The following CDH18 variants were observed in gnomAD, a reference collection of about 807,000 sequenced individuals.
CDH18 encodes cadherin 18.
A neutral mutation model predicts 67.9 loss-of-function variants in CDH18; 31 were observed. The observed-to-expected ratio is 0.46, with a 90% CI of 0.34 to 0.62. The LOEUF is 0.62. Among genes scored for constraint, CDH18 ranks in the 20% least tolerant of loss-of-function variants. The probability of loss-of-function intolerance (pLI) is 0.01; values close to 1 mark genes in which losing one functional copy is unlikely to be tolerated. For missense variants in CDH18, 890 were observed against 975.5 expected (o/e 0.91, Z 1.17); for synonymous variants, 362 against 347.2 (o/e 1.04, Z -0.48).
At position 20,557,951 on chromosome 5, in the gene CDH18, T is replaced by TAATGTTATAGTTATATAACATTA. The variant is rs1427690948; in HGVS notation, c.-580+17488_-580+17510dup. ...TTTAATGTTATAGTTATATAACATT[T>TAATGTTATAGTTATATAACATTA]AATGTTATAGTTATATAACATTAAA... is the stretch of plus-strand genomic sequence containing the variant. On this transcript the variant is annotated intron_variant, in intron 1 of 14. Coordinates refer to the CDH18 transcript ENST00000507958. 1.3e-3 allele frequency among the ~76,000 whole-genome samples: 43 copies of TAATGTTATAGTTATATAACATTA among 34,232 alleles called. 3 individuals are homozygous for TAATGTTATAGTTATATAACATTA. The highest frequency in any genetic ancestry group is 5.9e-3 in the South Asian group (4 of 678). The allele number at this position is 34,232 out of a possible 152,430, so 22.5% of individuals were successfully genotyped here. A position where few individuals can be genotyped will look rare whatever the true frequency, so the allele number is the denominator to read the frequency against.
chr5:20,540,582 T>C (rs1756998569), intron 1 of CDH18, among the ~76,000 whole-genome samples: 1 of 152,150 alleles, frequency 6.6e-6, no homozygotes, highest in Admixed American at 6.6e-5. Flanking sequence ...TTTGAGTGAC[T>C]ATAAAGAATG....
chr5:20,052,809 T>C (rs1443488419), intron 2 of CDH18, among the ~76,000 whole-genome samples: 1 of 152,082 alleles, frequency 6.6e-6, no homozygotes, highest in Non-Finnish European at 1.5e-5. Context: ...AAGAATGTCA[T>C]AAAGAAGATA....
At chr5:19,574,009 C>CAAT (rs1741889122) in intron 7 of CDH18, among the ~76,000 whole-genome samples, 1 of 152,202 alleles carries the variant, frequency 6.6e-6, no homozygotes, top group Non-Finnish European at 1.5e-5. Context: ...TTCTTTCTCA[C>CAAT]AATAACACTG....
chr5:20,550,407 A>G (rs1367560163), intron 1 of CDH18, among the ~76,000 whole-genome samples: 1 of 152,242 alleles, frequency 6.6e-6, no homozygotes, highest in Non-Finnish European at 1.5e-5. Flanking sequence ...TAATACAAGG[A>G]CCTAAAGGTT....
chr5:20,358,135 C>T (rs1411908594), intron 1 of CDH18, among the ~76,000 whole-genome samples: 1 of 152,082 alleles, frequency 6.6e-6, no homozygotes, highest in Non-Finnish European at 1.5e-5. Context: ...ACAATAGATA[C>T]TGGAGACTAC....
chr5:19,692,819 T>C (rs754351150), intron 5 of CDH18, among the ~76,000 whole-genome samples: 2 of 151,552 alleles, frequency 1.3e-5, no homozygotes, highest in African/African-American at 2.4e-5. Flanking sequence ...TACAACAACA[T>C]GGAAATTTCC....
rs867052088 is a variant in CDH18 at position 19,569,683 on chromosome 5, C to A, written c.1253+1896G>T. Among the ~76,000 whole-genome samples, 5 of 152,250 alleles carry A rather than the reference C, an allele frequency of 3.3e-5. No homozygotes were observed. In the Middle Eastern group the frequency reaches 0.01, roughly 311 times the overall value. On this transcript the variant is annotated intron_variant, in intron 8 of 12. Transcript: ENST00000382275. ...TGATTGCTATAGTCACCCTACTGAT[C>A]TATCAAACACTAGGTTCTATTTCTT... is the stretch of plus-strand genomic sequence containing the variant.
chr5:20,115,845 G>A (rs913478661), intron 2 of CDH18, among the ~76,000 whole-genome samples: 1 of 152,022 alleles, frequency 6.6e-6, no homozygotes, highest in Non-Finnish European at 1.5e-5. Flanking sequence ...TTAAAATCAT[G>A]GCTAACCATG....
At chr5:20,191,832 T>C (rs1738565735) in intron 2 of CDH18, among the ~76,000 whole-genome samples, 1 of 152,202 alleles carries the variant, frequency 6.6e-6, no homozygotes, top group South Asian at 2.1e-4. Context: ...TGTGCACATG[T>C]CTTTACAGTA....
At chr5:20,102,101 C>A (rs1007344253) in intron 2 of CDH18, among the ~76,000 whole-genome samples, 1 of 151,936 alleles carries the variant, frequency 6.6e-6, no homozygotes, top group African/African-American at 2.4e-5. Flanking sequence ...AACAAAAAAA[C>A]AGCTAAATCT....
chr5:20,351,805 G>A (rs999381816), intron 1 of CDH18, among the ~76,000 whole-genome samples: 8 of 152,094 alleles, frequency 5.3e-5, no homozygotes, highest in Admixed American at 2.0e-4. Context: ...TTGCCTGTTG[G>A]TGGGGTAAGA....
At chr5:20,014,085 T>C (rs747878923) in intron 2 of CDH18, among the ~76,000 whole-genome samples, 4 of 152,130 alleles carry the variant, frequency 2.6e-5, no homozygotes, top group South Asian at 2.1e-4. Context: ...AAAATAAGAA[T>C]AGGCATTCCC....
chr5:20,375,668 CTTTG>C (rs1743355125), intron 1 of CDH18, among the ~76,000 whole-genome samples: 1 of 151,910 alleles, frequency 6.6e-6, no homozygotes, highest in South Asian at 2.1e-4. Flanking sequence ...CAAATAACTC[CTTTG>C]TTTGTTTGTT....
At chr5:19,542,530 G>T (rs562235037) in intron 9 of CDH18, among the ~76,000 whole-genome samples, 2 of 152,160 alleles carry the variant, frequency 1.3e-5, no homozygotes, top group African/African-American at 4.8e-5. Flanking sequence ...GTCAAGTAAA[G>T]AATGGATAAA....
chr5:20,295,210 T>C (rs925078984), intron 1 of CDH18, among the ~76,000 whole-genome samples: 5 of 152,178 alleles, frequency 3.3e-5, no homozygotes, highest in African/African-American at 2.4e-5. Context: ...AGAAGTTTTG[T>C]GATTTTATAT....
At chr5:20,494,837 C>T (rs1183505496) in intron 1 of CDH18, among the ~76,000 whole-genome samples, 2 of 151,912 alleles carry the variant, frequency 1.3e-5, no homozygotes, top group African/African-American at 4.8e-5. Context: ...CAAGAAGTAG[C>T]GGAGGAAAGG....
chr5:19,543,461 T>C (rs1029838888), intron 9 of CDH18, among the ~76,000 whole-genome samples: 4 of 152,176 alleles, frequency 2.6e-5, no homozygotes, highest in African/African-American at 4.8e-5. Context: ...AGGTATTATA[T>C]TGACAAAATA....
intron 1 of CDH18, among the ~76,000 whole-genome samples, chr5:20,355,782 C>A (rs1741561163): frequency 6.6e-6 from 1 of 152,088 alleles, no homozygotes; most frequent in Admixed American, 6.5e-5. Context: ...ATGCTGCAAG[C>A]CTAATATTTA....
chr5:19,915,983 T>C (rs942932846), intron 2 of CDH18, among the ~76,000 whole-genome samples: 1 of 152,172 alleles, frequency 6.6e-6, no homozygotes, highest in Non-Finnish European at 1.5e-5. Flanking sequence ...CTCAGACTTA[T>C]TCATGTCAAA....
Sources: allele counts gnomAD v4.1 joint callset (sites outside exome capture counted in the v4.1 genomes callset), GRCh38; gene constraint gnomAD v4.1.1; transcripts MANE v1.5; gene names NCBI Gene and HGNC (gene_info 2026-07-23, HGNC 2026-07-21).